Variants in NPTN observed in about 807,000 individuals in gnomAD.
NPTN encodes neuroplastin.
NPTN carries 5 observed loss-of-function variants against 42.7 expected under a neutral mutation model. That is an observed-to-expected ratio of 0.12 (90% CI 0.06 to 0.25). The LOEUF (loss-of-function observed/expected upper bound fraction) is 0.25, where lower values mean the gene tolerates loss of function less well. Among genes scored for constraint, NPTN ranks in the 10% least tolerant of loss-of-function variants. The pLI is 1.00. For synonymous variants in NPTN, 180 were observed against 201.9 expected (o/e 0.89, Z 0.92); for missense variants, 307 against 525.4 (o/e 0.58, Z 4.06).
intron 4 of NPTN, among the ~76,000 whole-genome samples, chr15:73,579,107 C>G (rs1055070014): frequency 6.7e-6 from 1 of 150,328 alleles, no homozygotes; most frequent in African/African-American, 2.5e-5. Flanking sequence ...GGTGAAACCC[C>G]GTCTCTACTA....
rs1896386625 is a variant in NPTN at position 73,587,732 on chromosome 15, C to T, written c.612-114G>A. 5.5e-6 allele frequency: 4 copies of T among 723,140 alleles called. No homozygotes were observed. The East Asian group carries it at 1.1e-4, about 19-fold the overall frequency. The allele number at this position is 723,140 out of a possible 1,614,324, so 44.8% of individuals were successfully genotyped here. ...CCTGCTCTCCGAACCCTTAATGCAA[C>T]TCACCTCCTTCTAACTAAAAGCAAA... On this transcript the variant is annotated intron_variant, in intron 3 of 8. Coordinates refer to ENST00000345330, the MANE Select transcript of NPTN (RefSeq NM_012428.4).
intron 1 of NPTN, among the ~76,000 whole-genome samples, chr15:73,626,322 G>GC (rs1313846486): frequency 6.6e-6 from 1 of 152,168 alleles, no homozygotes; most frequent in Admixed American, 6.5e-5. Context: ...AACAAGAACT[G>GC]CAAGGGTTGT....
intron 6 of NPTN, chr15:73,567,617 T>C (rs928048608): frequency 3.0e-6 from 3 of 985,110 alleles, no homozygotes; most frequent in African/African-American, 3.5e-5. Flanking sequence ...CCAAAGAACA[T>C]TCAACTTTTT....
At chr15:73,613,869 A>G (rs915273969) in intron 1 of NPTN, among the ~76,000 whole-genome samples, 1 of 151,914 alleles carries the variant, frequency 6.6e-6, no homozygotes, top group African/African-American at 2.4e-5. Flanking sequence ...TGTTTTTAGT[A>G]GAGACAGGGT....
At chr15:73,632,228 C>G (rs1322157520) in intron 1 of NPTN, among the ~76,000 whole-genome samples, 1 of 151,918 alleles carries the variant, frequency 6.6e-6, no homozygotes, top group Non-Finnish European at 1.5e-5. Context: ...CGACTTCCTG[C>G]ATTTTACTCC....
chr15:73,567,161 T>C (rs911030677), intron 6 of NPTN: 1 of 985,036 alleles, frequency 1.0e-6, no homozygotes. Context: ...GTTCACTTAG[T>C]GCTTTTGTAG....
chr15:73,574,074 G>A (rs1895554748), intron 4 of NPTN, among the ~76,000 whole-genome samples: 1 of 152,208 alleles, frequency 6.6e-6, no homozygotes, highest in Non-Finnish European at 1.5e-5. Flanking sequence ...GGAAAAGGAT[G>A]CAGGTCCAAC....
intron 6 of NPTN, chr15:73,568,703 T>C: frequency 1.0e-6 from 1 of 985,424 alleles, no homozygotes; most frequent in Non-Finnish European, 1.2e-6. Flanking sequence ...AAACTAGAGA[T>C]TCATTTGCAG....
intron 1 of NPTN, among the ~76,000 whole-genome samples, chr15:73,619,756 C>T (rs1377594596): frequency 6.6e-6 from 1 of 152,172 alleles, no homozygotes. Flanking sequence ...GACTAATATC[C>T]TCTATATTAA....
chr15:73,580,906 T>A (rs1007235504), intron 4 of NPTN, among the ~76,000 whole-genome samples: 1 of 152,088 alleles, frequency 6.6e-6, no homozygotes, highest in Non-Finnish European at 1.5e-5. Context: ...CCAGGGCAGA[T>A]CACGTCAAAT....
intron 1 of NPTN, among the ~76,000 whole-genome samples, chr15:73,604,373 C>T (rs1566980000): frequency 6.6e-6 from 1 of 152,142 alleles, no homozygotes; most frequent in East Asian, 1.9e-4. Context: ...GGAGAATCAC[C>T]TGAGTCCAGG....
intron 1 of NPTN, among the ~76,000 whole-genome samples, chr15:73,610,832 T>C (rs777157032): frequency 3.4e-4 from 52 of 152,308 alleles, no homozygotes; most frequent in Admixed American, 9.8e-4. Context: ...ATGATAGTGA[T>C]ACACAGGCAA....
rs186967435 is a variant in NPTN, at chr15:73,568,306, C to T, written c.1114+1844G>A. On this transcript the variant is annotated intron_variant, in intron 6 of 8. Transcript: ENST00000345330. ...CTCTCACCAGTGGCAGCCAGCCTTG[C>T]CTTAAAATTTAAAAATCAGGTTCTG... 76 of 985,420 alleles carry T rather than the reference C, an allele frequency of 7.7e-5. No homozygotes were observed. In the East Asian group the frequency reaches 5.4e-3, roughly 71 times the overall value. The allele number at this position is 985,420 out of a possible 1,614,324, so 61.0% of individuals were successfully genotyped here.
Position 73,560,257 on chromosome 15 carries a change from G to A in NPTN, c.*806C>T. On this transcript the variant is annotated 3_prime_UTR_variant, in exon 9 of 9. Transcript: ENST00000345330. ...CATGCTATAACATTTCAAGGTCATT[G>A]GAAACAAAAGAAAAATTATAAAAGT... 6.1e-6 allele frequency: 1 copy of A among 164,740 alleles called. No homozygotes were observed. The highest frequency in any genetic ancestry group is 1.3e-5 in the Non-Finnish European group (1 of 76,474). The allele number at this position is 164,740 out of a possible 1,614,324, so 10.2% of individuals were successfully genotyped here.
At chr15:73,599,291 G>A (rs1453549749) in intron 1 of NPTN, among the ~76,000 whole-genome samples, 1 of 152,056 alleles carries the variant, frequency 6.6e-6, no homozygotes, top group Non-Finnish European at 1.5e-5. Flanking sequence ...CTGCCCACCT[G>A]TCAAAGTCAA....
In NPTN at chr15:73,570,250, G is replaced by A. The variant is rs1225667720; in HGVS notation, c.1014C>T (p.Ala338=). 3.7e-6 allele frequency: 6 copies of A among 1,614,194 alleles called. No homozygotes were observed. The highest frequency in any genetic ancestry group is 1.6e-4 in the Middle Eastern group (1 of 6,062). Residue 338 remains alanine, a synonymous_variant, in exon 6 of 9, where the codon GCC becomes GCT. Transcript: ENST00000345330. This position sits in a 1 kb window ranked among gnomAD's most constrained non-coding sequence, Gnocchi z 4.0. ...GAATTCCCAAGAAAGGCCAGAGTGG[G>A]GCCAGGTGGCTCCGCACCCTGAGGA... The part of the protein sequence containing the change: ...VTVLRVRSHL[A]PLWPFLGILA...
At chr15:73,610,961 G>A (rs1897548525) in intron 1 of NPTN, among the ~76,000 whole-genome samples, 1 of 152,162 alleles carries the variant, frequency 6.6e-6, no homozygotes, top group Admixed American at 6.5e-5. Context: ...ACTTTACTGA[G>A]TCTTATTTTG....
At chr15:73,586,195 T>C (rs1311056225) in intron 4 of NPTN, among the ~76,000 whole-genome samples, 1 of 152,240 alleles carries the variant, frequency 6.6e-6, no homozygotes, top group Non-Finnish European at 1.5e-5. Flanking sequence ...CAGCCAGGAA[T>C]GCTGCACGGC....
At chr15:73,602,355 C>A (rs1361917506) in intron 1 of NPTN, among the ~76,000 whole-genome samples, 1 of 152,164 alleles carries the variant, frequency 6.6e-6, no homozygotes, top group South Asian at 2.1e-4. Context: ...CTTCGTTCCT[C>A]GCAATAAAGA....
Sources: allele counts gnomAD v4.1 joint callset (sites outside exome capture counted in the v4.1 genomes callset), GRCh38; gene constraint gnomAD v4.1.1; non-coding constraint Gnocchi (gnomAD v3.1); transcripts MANE v1.5; gene names NCBI Gene and HGNC (gene_info 2026-07-23, HGNC 2026-07-21).